Variants in EVC observed in about 807,000 individuals in gnomAD.
EVC encodes EvC ciliary complex subunit 1.
A neutral mutation model predicts 118.9 loss-of-function variants in EVC; 116 were observed. The observed-to-expected ratio is 0.98, with a 90% CI of 0.84 to 1.14. The LOEUF (loss-of-function observed/expected upper bound fraction) is 1.14, where lower values mean the gene tolerates loss of function less well. EVC is among the 50% of genes most tolerant of loss of function. The probability of loss-of-function intolerance (pLI) is 0.00; values close to 1 mark genes in which losing one functional copy is unlikely to be tolerated. For missense variants in EVC, 1,401 were observed against 1,246.4 expected (o/e 1.12, Z -1.87); for synonymous variants, 619 against 534.7 (o/e 1.16, Z -2.18).
In EVC at chr4:5,798,845, A is replaced by AGGGTCCATGCCTGGGTC. The variant is rs371169257; in HGVS notation, c.2304+54_2304+70dup. 3.1e-5 allele frequency: 48 copies of AGGGTCCATGCCTGGGTC among 1,566,978 alleles called. 1 individual carries two copies. The African/African-American group carries it at 3.8e-4, about 12-fold the overall frequency. ...CACCGAGGGCAAGAATGTTCAGGGT[A>AGGGTCCATGCCTGGGTC]GGGTCCATGCCTGGGTCTGCTCCTT... On this transcript the variant is annotated intron_variant, in intron 15 of 20. Transcript: ENST00000264956. The surrounding 1 kb of genome is among the most constrained non-coding windows in gnomAD (Gnocchi z 4.1).
chr4:5,741,224 C>T (rs759378920), intron 5 of EVC, among the ~76,000 whole-genome samples: 2 of 152,138 alleles, frequency 1.3e-5, no homozygotes, highest in South Asian at 2.1e-4. Flanking sequence ...CAGATACAGC[C>T]CCCTCTGTAC....
chr4:5,716,736 C>G lies in EVC; in HGVS notation c.175-2512C>G, dbSNP rs541732282. On this transcript the variant is annotated intron_variant, in intron 1 of 20. Coordinates refer to ENST00000264956, the MANE Select transcript of EVC (RefSeq NM_153717.3). ...GCTTATCAAGTTGTTGATAATTTCC[C>G]TTGAAGAAAGTCAGGATTTTCCTTT... 7.9e-5 allele frequency among the ~76,000 whole-genome samples: 12 copies of G among 152,284 alleles called. No homozygotes were observed. The South Asian group carries it at 1.0e-3, about 13-fold the overall frequency.
At chr4:5,827,118 C>A in the EVC span, among the ~76,000 whole-genome samples, 3 of 152,190 alleles carry the variant, frequency 2.0e-5, no homozygotes, top group African/African-American at 7.2e-5. Context: ...GCAATGGGAC[C>A]CCCCGATCCT....
At chr4:5,780,341 A>C (rs899436233) in intron 11 of EVC, among the ~76,000 whole-genome samples, 1 of 152,220 alleles carries the variant, frequency 6.6e-6, no homozygotes, top group African/African-American at 2.4e-5. Flanking sequence ...TTTTAAAAAA[A>C]CAATTATCCA....
intron 11 of EVC, among the ~76,000 whole-genome samples, chr4:5,783,313 T>C (rs1317067380): frequency 6.7e-6 from 1 of 148,570 alleles, no homozygotes; most frequent in Non-Finnish European, 1.5e-5. Context: ...TGTGTCTGTG[T>C]GTACAAGTGT....
At chr4:5,729,016 C>A (rs997715645) in intron 2 of EVC, among the ~76,000 whole-genome samples, 1 of 152,098 alleles carries the variant, frequency 6.6e-6, no homozygotes, top group Non-Finnish European at 1.5e-5. Context: ...ATCCTTCCAT[C>A]CAACCACCCA....
chr4:5,818,405 G>C (rs111736940), downstream of EVC, among the ~76,000 whole-genome samples: 4,513 of 152,236 alleles, frequency 0.03, 93 homozygotes, highest in African/African-American at 0.045. Flanking sequence ...TAAGTGGTCT[G>C]GATTCCAAAC....
At chr4:5,781,713 C>T (rs1163312785) in intron 11 of EVC, among the ~76,000 whole-genome samples, 2 of 152,160 alleles carry the variant, frequency 1.3e-5, no homozygotes, top group African/African-American at 4.8e-5. Context: ...GTGGCATACA[C>T]TCTATAGTCC....
intron 8 of EVC, chr4:5,752,603 A>G (rs1730553978): frequency 1.7e-6 from 1 of 604,218 alleles, no homozygotes; most frequent in South Asian, 1.9e-5. Flanking sequence ...AAGTGCCTAC[A>G]TGCTAAGCTG....
At position 5,811,381 on chromosome 4, in the gene EVC, T is replaced by C. The variant is rs896944695; in HGVS notation, c.*344T>C. 1 of 346,902 alleles carries C rather than the reference T, an allele frequency of 2.9e-6. No individual in the cohort carries two copies. The highest frequency in any genetic ancestry group is 5.5e-6 in the Non-Finnish European group (1 of 182,412). 21.5% of individuals were successfully genotyped at this position (346,902 alleles called of 1,614,324 possible). A position where few individuals can be genotyped will look rare whatever the true frequency, so the allele number is the denominator to read the frequency against. On this transcript the variant is annotated 3_prime_UTR_variant, in exon 21 of 21. Transcript: ENST00000264956. ...CCCCTGATGCAGACTCTGGAATCCC[T>C]GGCCCAAAGGCCTGTCTGGGCCCAT...
chr4:5,824,163 A>T, the EVC span: 1 of 281,498 alleles, frequency 3.6e-6, no homozygotes, highest in Non-Finnish European at 5.4e-6. Flanking sequence ...TGCAGTGTTT[A>T]ATTGCATAAC....
the EVC span, among the ~76,000 whole-genome samples, chr4:5,822,379 A>G: frequency 2.0e-5 from 3 of 150,464 alleles, no homozygotes; most frequent in African/African-American, 7.3e-5. Flanking sequence ...CTCCAAAGGT[A>G]TTTTACATAT....
At chr4:5,822,540 A>G in the EVC span, among the ~76,000 whole-genome samples, 1 of 152,098 alleles carries the variant, frequency 6.6e-6, no homozygotes, top group South Asian at 2.1e-4. Flanking sequence ...ATCTTTCAAA[A>G]CCAACCATCC....
In EVC at chr4:5,802,013, G is replaced by A. The variant is rs749975914; in HGVS notation, c.2368G>A (p.Val790Met). 16 of 1,614,080 alleles carry A rather than the reference G, an allele frequency of 9.9e-6. No homozygotes were observed. The highest frequency in any genetic ancestry group is 1.6e-4 in the Middle Eastern group (1 of 6,068). ...YVTSAGVSRL[V>M]QAYYQQIGRI... Reference sequence around the variant, plus strand: ...GACCAGCGCTGGTGTCAGCCGCCTGGTGCAGGCGTATTACCAGCAAATCGG... The same window carrying A: ...GACCAGCGCTGGTGTCAGCCGCCTGATGCAGGCGTATTACCAGCAAATCGG... The change falls in exon 16 of 21, where the codon GTG becomes ATG. Residue 790 changes from valine to methionine, a missense_variant. Physicochemically the swap from Val to Met is conservative, Grantham distance 21. Coordinates refer to ENST00000264956, the MANE Select transcript of EVC (RefSeq NM_153717.3).
Position 5,743,121 on chromosome 4 carries a change from G to C in EVC, c.801+1307G>C, listed in dbSNP as rs1299214323. 6.6e-6 allele frequency among the ~76,000 whole-genome samples: 1 copy of C among 152,204 alleles called. No homozygotes were observed. Among genetic ancestry groups the C allele is most frequent in the Non-Finnish European group, 1.5e-5 (1 of 68,026 alleles). On this transcript the variant is annotated intron_variant, in intron 6 of 20. Transcript: ENST00000264956. The surrounding 1 kb of genome is among the most constrained non-coding windows in gnomAD (Gnocchi z 4.7). ...AAAGGGTGGTAACTTTTGGGTTGTT[G>C]ACATGGCATTTGTAATCTGTGGTTG... is the stretch of plus-strand genomic sequence containing the variant.
rs1728731669 is a variant in EVC, at chr4:5,742,363, G to A, written c.801+549G>A. 1.3e-5 allele frequency among the ~76,000 whole-genome samples: 2 copies of A among 152,094 alleles called. No individual in the cohort carries two copies. The highest frequency in any genetic ancestry group is 6.5e-5 in the Admixed American group (1 of 15,270). ...TGATACACCTAGCAATGTCATAGTT[G>A]GCTGTGAATATGTGATGGCTGCTGT... On this transcript the variant is annotated intron_variant, in intron 6 of 20. Coordinates refer to ENST00000264956, the MANE Select transcript of EVC (RefSeq NM_153717.3). The surrounding 1 kb of genome is among the most constrained non-coding windows in gnomAD (Gnocchi z 5.2).
intron 8 of EVC, among the ~76,000 whole-genome samples, chr4:5,748,735 T>A: frequency 1.7e-5 from 1 of 58,824 alleles, no homozygotes; most frequent in South Asian, 5.5e-4. Context: ...CATCCACCCA[T>A]CAATCCACCC....
At chr4:5,771,923 C>CGGA (rs1699554888) in intron 11 of EVC, among the ~76,000 whole-genome samples, 15 of 151,596 alleles carry the variant, frequency 9.9e-5, no homozygotes. Flanking sequence ...TATTTTGAGA[C>CGGA]GTCTCACTCT....
intron 12 of EVC, among the ~76,000 whole-genome samples, chr4:5,793,096 GA>G (rs551630699): frequency 3.3e-5 from 5 of 152,120 alleles, no homozygotes; most frequent in Non-Finnish European, 7.4e-5. Flanking sequence ...AGGCAGCTTT[GA>G]ACAAGAGGAT....
Sources: allele counts gnomAD v4.1 joint callset (sites outside exome capture counted in the v4.1 genomes callset), GRCh38; gene constraint gnomAD v4.1.1; non-coding constraint Gnocchi (gnomAD v3.1); transcripts MANE v1.5; gene names NCBI Gene and HGNC (gene_info 2026-07-23, HGNC 2026-07-21).